Variants in HYDIN observed in about 807,000 individuals in gnomAD.
HYDIN encodes axonemal central pair apparatus protein HYDIN.
Under a neutral mutation model 403.9 loss-of-function variants are expected in HYDIN, and 132 were observed. The ratio of observed to expected loss-of-function variants is 0.33; its 90% CI spans 0.28 to 0.38. The LOEUF (loss-of-function observed/expected upper bound fraction) is 0.38. Among genes scored for constraint, HYDIN ranks in the 10% least tolerant of loss-of-function variants. HYDIN has a pLI of 1.00. For missense variants in HYDIN, 2,827 were observed against 5,009.5 expected, an observed-to-expected ratio of 0.56 and a Z score of 13.15; for synonymous variants, 1,202 against 1,891.7, an observed-to-expected ratio of 0.64 and a Z score of 9.46.
At chr16:71,206,031 C>T (rs2088279062) in intron 1 of HYDIN, among the ~76,000 whole-genome samples, 1 of 152,210 alleles carries the variant, frequency 6.6e-6, no homozygotes, top group Non-Finnish European at 1.5e-5. Flanking sequence ...GGTGCAGCCT[C>T]CTATTGCTTT....
chr16:70,859,967 C>G lies in HYDIN; in HGVS notation c.12129+101G>C. The G allele has an allele frequency of 3.0e-5, 31 of 1,042,268 alleles. No homozygotes were observed. In the South Asian group the frequency reaches 3.9e-4, roughly 13 times the overall value. 64.6% of individuals were successfully genotyped at this position (1,042,268 alleles called of 1,614,324 possible). A position where few individuals can be genotyped will look rare whatever the true frequency, so the allele number is the denominator to read the frequency against. On this transcript the variant is annotated intron_variant, in intron 71 of 85. Coordinates refer to ENST00000393567, the MANE Select transcript of HYDIN (RefSeq NM_001270974.2). Reference sequence around the variant, plus strand: ...TTGATTGATGCACTACACCCTCAGGCAGTTCTTCCTAATTCCACTTACTGT... The same window carrying G: ...TTGATTGATGCACTACACCCTCAGGGAGTTCTTCCTAATTCCACTTACTGT...
At chr16:70,967,407 C>T (rs1245629117) in intron 36 of HYDIN, among the ~76,000 whole-genome samples, 1 of 151,804 alleles carries the variant, frequency 6.6e-6, no homozygotes, top group Admixed American at 6.6e-5. Context: ...ACCTCCCAGG[C>T]TCAACTGAAC....
chr16:70,905,184 C>G (rs939068292), intron 50 of HYDIN, among the ~76,000 whole-genome samples: 1 of 152,042 alleles, frequency 6.6e-6, no homozygotes, highest in Non-Finnish European at 1.5e-5. Context: ...GAGAACACTC[C>G]GTATGAATAT....
Position 71,064,729 on chromosome 16 carries a change from T to A in HYDIN, c.2187A>T (p.Pro729=). The A allele has an allele frequency of 6.2e-7, 1 of 1,614,012 alleles. No homozygotes were observed. The highest frequency in any genetic ancestry group is 8.5e-7 in the Non-Finnish European group (1 of 1,179,980). Residue 729 remains proline (P), a synonymous_variant, in exon 16 of 86, where the codon CCA becomes CCT. Transcript: ENST00000393567. ...CCTGAGGCTGGACCTCATAGAATCC[T>A]GGGAGGTCATCTTGATTGGCAAGCT... ...TLQLANQDDL[P]GFYEVQPQVC...
At chr16:70,821,907 C>G (rs796202592) in intron 83 of HYDIN, among the ~76,000 whole-genome samples, 5 of 152,246 alleles carry the variant, frequency 3.3e-5, no homozygotes, top group African/African-American at 1.2e-4. Context: ...AGACCTACTG[C>G]TCAGAAAATA....
chr16:71,039,514 C>A (rs1280294343), intron 18 of HYDIN, among the ~76,000 whole-genome samples: 2 of 152,248 alleles, frequency 1.3e-5, no homozygotes, highest in South Asian at 2.1e-4. Flanking sequence ...TGTTGCCTTT[C>A]CCTTAACCAC....
chr16:71,171,147 G>A (rs112143395), intron 5 of HYDIN, among the ~76,000 whole-genome samples: 4 of 152,160 alleles, frequency 2.6e-5, no homozygotes, highest in African/African-American at 7.2e-5. Flanking sequence ...GTACTTTCCC[G>A]AGCTGGCTGC....
In HYDIN at chr16:71,046,874, T is replaced by A. The variant is rs2081467765; in HGVS notation, c.2529+13630A>T. Among the ~76,000 whole-genome samples, 3 of 152,172 alleles carry A rather than the reference T, an allele frequency of 2.0e-5. No individual in the cohort carries two copies. In the South Asian group the frequency reaches 6.2e-4, roughly 32 times the overall value. On this transcript the variant is annotated intron_variant, in intron 18 of 85. Transcript: ENST00000393567. ...CAGTGCACAAAACAGGAAGAGTCAA[T>A]GCTTTAGTTGATAATGACCATGACA...
chr16:70,846,866 C>A (rs1306206938), intron 75 of HYDIN, among the ~76,000 whole-genome samples: 1 of 112,554 alleles, frequency 8.9e-6, no homozygotes. Context: ...GATTGCAACC[C>A]CTGCCTTTTT....
intron 13 of HYDIN, among the ~76,000 whole-genome samples, chr16:71,076,294 AGCAC>A (rs1388604719): frequency 7.1e-6 from 1 of 141,554 alleles, no homozygotes; most frequent in Non-Finnish European, 1.5e-5. Flanking sequence ...TTACACTTAC[AGCAC>A]ATCTCAGTGT....
At chr16:70,921,909 C>T (rs2143817767) in intron 45 of HYDIN, among the ~76,000 whole-genome samples, 1 of 152,304 alleles carries the variant, frequency 6.6e-6, no homozygotes, top group South Asian at 2.1e-4. Context: ...TCTTACTGCA[C>T]TTTTAAACTT....
At chr16:70,808,399 G>A (rs1880923803) in intron 85 of HYDIN, among the ~76,000 whole-genome samples, 2 of 152,088 alleles carry the variant, frequency 1.3e-5, no homozygotes, top group South Asian at 4.1e-4. Context: ...CTGGTTCCTT[G>A]CAGATGGGTG....
chr16:70,872,284 T>C, intron 64 of HYDIN, 105 bp from the exon 65 acceptor site: 1 of 541,496 alleles, frequency 1.8e-6, no homozygotes, highest in Non-Finnish European at 3.2e-6. Context: ...CTTCCATCCT[T>C]GGATGGCTAT....
At chr16:71,169,831 A>T (rs528734837) in intron 5 of HYDIN, among the ~76,000 whole-genome samples, 139 of 152,332 alleles carry the variant, frequency 9.1e-4, no homozygotes, top group African/African-American at 3.2e-3. Flanking sequence ...AATTATAAGT[A>T]TGTGAGGTAA....
chr16:71,079,969 A>C lies in HYDIN; in HGVS notation c.1671-17T>G. On this transcript the variant is annotated splice_polypyrimidine_tract_variant and intron_variant, in intron 12 of 85. Coordinates refer to ENST00000393567, the MANE Select transcript of HYDIN (RefSeq NM_001270974.2). ...ACACAGCCTCTGGAAGGAGGAATAC[A>C]AGGTGGGGGAGAGGGAGAGAATCCA... 1.2e-6 allele frequency: 1 copy of C among 832,300 alleles called. No homozygotes were observed. Among genetic ancestry groups the C allele is most frequent in the Non-Finnish European group, 2.0e-6 (1 of 489,484 alleles). 51.6% of individuals were successfully genotyped at this position (832,300 alleles called of 1,614,324 possible).
chr16:71,174,633 G>C lies in HYDIN; in HGVS notation c.516+974C>G, dbSNP rs377163597. Among the ~76,000 whole-genome samples the C allele has an allele frequency of 1.1e-4, 17 of 152,002 alleles. No homozygotes were observed. The East Asian group carries it at 1.9e-3, about 17-fold the overall frequency. On this transcript the variant is annotated intron_variant, in intron 5 of 85. Coordinates refer to ENST00000393567, the MANE Select transcript of HYDIN (RefSeq NM_001270974.2). ...AATTCTACTCCCTGGAGAAGGGGTGGGGAGGAAGCCTCCACCCTCAGGCCC... is the reference window on the plus strand; with the variant it reads ...AATTCTACTCCCTGGAGAAGGGGTGCGGAGGAAGCCTCCACCCTCAGGCCC...
intron 18 of HYDIN, among the ~76,000 whole-genome samples, chr16:71,038,510 G>A (rs2081173307): frequency 6.6e-6 from 1 of 151,794 alleles, no homozygotes; most frequent in Admixed American, 6.6e-5. Flanking sequence ...AAATCTGCAA[G>A]AATCTCCTTC....
chr16:71,059,658 A>G (rs1463135756), intron 18 of HYDIN, among the ~76,000 whole-genome samples: 1 of 152,196 alleles, frequency 6.6e-6, no homozygotes, highest in Non-Finnish European at 1.5e-5. Flanking sequence ...AAGAGAGAAT[A>G]TAAAAACTAC....
intron 1 of HYDIN, among the ~76,000 whole-genome samples, chr16:71,226,519 T>C (rs536090300): frequency 6.6e-6 from 1 of 152,348 alleles, no homozygotes; most frequent in East Asian, 1.9e-4. Flanking sequence ...TACCTTGTGT[T>C]AGGCCAAAGG....
Sources: gnomAD v4.1 joint callset for allele counts (sites outside exome capture counted in the v4.1 genomes callset) on GRCh38, gnomAD v4.1.1 for gene constraint, MANE v1.5 for transcripts, NCBI Gene and HGNC (gene_info 2026-07-23, HGNC 2026-07-21) for gene names.